The following WDR59 variants were observed in gnomAD, a reference collection of about 807,000 sequenced individuals.
WDR59 encodes the protein GATOR2 complex protein WDR59.
In WDR59, 100 loss-of-function variants were observed where a neutral mutation model predicts 131.2. The ratio of observed to expected loss-of-function variants is 0.76; its 90% CI spans 0.65 to 0.90. The LOEUF (loss-of-function observed/expected upper bound fraction) is 0.90, where lower values mean the gene tolerates loss of function less well. WDR59 is among the 40% of genes least tolerant of loss of function. The pLI is 0.00. For missense variants in WDR59, 1,203 were observed against 1,262.2 expected, an observed-to-expected ratio of 0.95 and a Z score of 0.71; for synonymous variants, 601 against 466.2, an observed-to-expected ratio of 1.29 and a Z score of -3.72.
chr16:74,940,338 C>T (rs1476696407), intron 7 of WDR59, among the ~76,000 whole-genome samples: 1 of 148,528 alleles, frequency 6.7e-6, no homozygotes, highest in African/African-American at 2.5e-5. Flanking sequence ...AAGAATGCGC[C>T]ATTGCACTCC....
At chr16:74,965,059 C>T (rs1036795078) in intron 2 of WDR59, among the ~76,000 whole-genome samples, 1 of 151,156 alleles carries the variant, frequency 6.6e-6, no homozygotes, top group African/African-American at 2.4e-5. Context: ...AGCAAAACTC[C>T]GTCTCAAAAA....
At chr16:74,917,110 TGAG>T (rs1966427062) in intron 11 of WDR59, among the ~76,000 whole-genome samples, 1 of 152,058 alleles carries the variant, frequency 6.6e-6, no homozygotes, top group Admixed American at 6.6e-5. Flanking sequence ...AGCCATCAAA[TGAG>T]GAGAGGACAG....
chr16:74,880,670 G>T (rs1443867356), intron 25 of WDR59, among the ~76,000 whole-genome samples: 4 of 152,150 alleles, frequency 2.6e-5, no homozygotes, highest in African/African-American at 9.7e-5. Context: ...CAGGACGACA[G>T]GATAGGTTTT....
chr16:74,946,001 G>C (rs528311923), intron 6 of WDR59, among the ~76,000 whole-genome samples: 6 of 152,008 alleles, frequency 3.9e-5, no homozygotes, highest in African/African-American at 1.4e-4. Context: ...ATTTTTAGTA[G>C]AGACGGGGTT....
At chr16:74,875,911 G>A (rs757745547) in intron 25 of WDR59, among the ~76,000 whole-genome samples, 8 of 152,048 alleles carry the variant, frequency 5.3e-5, no homozygotes, top group Non-Finnish European at 1.2e-4. Flanking sequence ...CTAGCCCTGC[G>A]CGGAGCCTGT....
chr16:74,892,054 T>C (rs982963983), intron 20 of WDR59, among the ~76,000 whole-genome samples: 2 of 152,220 alleles, frequency 1.3e-5, no homozygotes, highest in African/African-American at 4.8e-5. Flanking sequence ...CACTGATATG[T>C]TGCTGCAAAG....
Position 74,924,610 on chromosome 16 carries a change from G to A in WDR59, c.652-607C>T, listed in dbSNP as rs1380399200. Among the ~76,000 whole-genome samples, 7 of 152,166 alleles carry A rather than the reference G, an allele frequency of 4.6e-5. No homozygotes were observed. In the South Asian group the frequency reaches 1.0e-3, roughly 23 times the overall value. ...TTCTTGAAATTGTAGAGCACACAAA[G>A]TGAGCCACACAAACTACCTTAGAGA... On this transcript the variant is annotated intron_variant, in intron 8 of 25. Transcript: ENST00000262144.
intron 20 of WDR59, 115 bp downstream of exon 20, chr16:74,892,369 T>C: frequency 1.1e-6 from 1 of 935,466 alleles, no homozygotes; most frequent in Non-Finnish European, 1.6e-6. Flanking sequence ...AAATGGAAAA[T>C]GAATTCCAAA....
chr16:74,892,601 T>C (rs1965099225), intron 19 of WDR59, 36 bp from the exon 20 acceptor site: 1 of 1,545,624 alleles, frequency 6.5e-7, no homozygotes, highest in African/African-American at 1.4e-5. Context: ...CATTTCTTTC[T>C]AGTGTAACTT....
chr16:74,904,192 A>G, intron 17 of WDR59, 92 bp from the exon 18 acceptor site: 7 of 1,443,218 alleles, frequency 4.9e-6, no homozygotes, highest in Non-Finnish European at 6.6e-6. Flanking sequence ...CAAAAGGAGA[A>G]GACAAAATGA....
At chr16:74,922,177 C>A in intron 9 of WDR59, 74 bp from the exon 10 acceptor site, 4 of 1,561,938 alleles carry the variant, frequency 2.6e-6, no homozygotes, top group African/African-American at 2.7e-5. Context: ...GTTTCCAAAC[C>A]TGGAATTCTT....
At chr16:74,899,855 TG>T in intron 18 of WDR59, 1 of 844,022 alleles carries the variant, frequency 1.2e-6, no homozygotes, top group Non-Finnish European at 1.7e-6. Flanking sequence ...ACACATCCGA[TG>T]GATTCCAATG....
At chr16:74,953,514 G>GA (rs1164181387) in intron 3 of WDR59, among the ~76,000 whole-genome samples, 1 of 145,924 alleles carries the variant, frequency 6.9e-6, no homozygotes, top group African/African-American at 2.5e-5. Flanking sequence ...AAGAACAAAA[G>GA]AAAAAAACAG....
intron 18 of WDR59, among the ~76,000 whole-genome samples, chr16:74,897,323 T>C (rs899713785): frequency 6.6e-6 from 1 of 152,198 alleles, no homozygotes; most frequent in African/African-American, 2.4e-5. Context: ...GTTTAGGCTT[T>C]GGGGTTTGTT....
chr16:74,980,526 G>C (rs1467602398), intron 1 of WDR59, among the ~76,000 whole-genome samples: 2 of 151,460 alleles, frequency 1.3e-5, no homozygotes, highest in African/African-American at 4.8e-5. Context: ...GCTAATTTTT[G>C]TATTTTTAGT....
rs775251469 is a variant in WDR59, at chr16:74,893,737, T to C, written c.1942A>G (p.Ile648Val). 1.1e-5 allele frequency: 18 copies of C among 1,614,054 alleles called. No homozygotes were observed. Among genetic ancestry groups the C allele is most frequent in the Non-Finnish European group, 1.5e-5 (18 of 1,180,036 alleles). The change falls in exon 19 of 26, where the codon ATC (isoleucine) becomes GTC (valine). Residue 648 changes from isoleucine (I) to valine (V), a missense_variant. Coordinates refer to ENST00000262144, the MANE Select transcript of WDR59 (RefSeq NM_030581.4). ...AGGAGGCAAGCAATATCCTGGATGA[T>C]GACTTTCCCAGCAGCCTTGATCTGT... ...NRQIKAAGKVIIQDIACLLPV... is the reference protein window; with the variant it reads ...NRQIKAAGKVVIQDIACLLPV...
chr16:74,930,892 C>CAAAAAAAAAAAAAAAAAAAAAACA (rs2031323023), intron 8 of WDR59: 1 of 79,628 alleles, frequency 1.3e-5, no homozygotes, highest in African/African-American at 5.2e-5. Flanking sequence ...GACTCCATCT[C>CAAAAAAAAAAAAAAAAAAAAAACA]AAAAAAAAAA....
At position 74,892,507 on chromosome 16, in the gene WDR59, C is replaced by A. The variant is rs767138414; in HGVS notation, c.2059G>T (p.Val687Phe). The A allele has an allele frequency of 2.5e-6, 4 of 1,613,690 alleles. No homozygotes were observed. The highest frequency in any genetic ancestry group is 3.4e-6 in the Non-Finnish European group (4 of 1,179,852). ...CQKNAASALLVGRKDLVQVWS... is the reference protein window; with the variant it reads ...CQKNAASALLFGRKDLVQVWS... The stretch of plus-strand genomic sequence containing the variant: ...ACCTGGACAAGATCCTTTCTTCCAA[C>A]GAGCAAGGCAGAGGCGGCATTCTTC... Residue 687 changes from valine to phenylalanine, a missense_variant, in exon 20 of 26, where the codon GTT (valine) becomes TTT (phenylalanine). Coordinates refer to ENST00000262144, the MANE Select transcript of WDR59 (RefSeq NM_030581.4).
At chr16:74,943,830 T>G (rs2032409978) in intron 6 of WDR59, among the ~76,000 whole-genome samples, 1 of 152,200 alleles carries the variant, frequency 6.6e-6, no homozygotes, top group South Asian at 2.1e-4. Flanking sequence ...CATACAGCAT[T>G]AAGCCCAGAA....
Sources: gnomAD v4.1 joint callset for allele counts (sites outside exome capture counted in the v4.1 genomes callset) on GRCh38, gnomAD v4.1.1 for gene constraint, MANE v1.5 for transcripts, NCBI Gene and HGNC (gene_info 2026-07-23, HGNC 2026-07-21) for gene names.